The following EPHB1 variants were observed in gnomAD, a reference collection of about 807,000 sequenced individuals.
The protein encoded by EPHB1 is EPH receptor B1.
EPHB1 carries 30 observed loss-of-function variants against 94.4 expected under a neutral mutation model. The ratio of observed to expected loss-of-function variants is 0.32; its 90% CI spans 0.24 to 0.43. EPHB1 has a LOEUF of 0.43. EPHB1 is among the 20% of genes least tolerant of loss of function. EPHB1 has a pLI of 1.00. For missense variants in EPHB1, 1,055 were observed against 1,308.3 expected, an observed-to-expected ratio of 0.81 and a Z score of 2.99; for synonymous variants, 522 against 489.1, an observed-to-expected ratio of 1.07 and a Z score of -0.89.
In EPHB1 at chr3:135,101,847, G is replaced by T. The variant is rs554670147; in HGVS notation, c.806-4601G>T. ...CATCTTATAAGGAGACTCTGCAAAA[G>T]GTGTACATCCATCCACCTGGTCCCC... On this transcript the variant is annotated intron_variant, in intron 3 of 15. Transcript: ENST00000398015. Among the ~76,000 whole-genome samples the T allele has an allele frequency of 2.2e-3, 331 of 152,236 alleles. 1 individual carries two copies. The highest frequency in any genetic ancestry group is 7.8e-3 in the African/African-American group (322 of 41,532).
chr3:134,822,038 A>G (rs536002179), intron 1 of EPHB1, among the ~76,000 whole-genome samples: 59 of 152,332 alleles, frequency 3.9e-4, no homozygotes, highest in South Asian at 3.3e-3. Context: ...GGAGCTCCCC[A>G]TAAGTCCTTG....
intron 3 of EPHB1, among the ~76,000 whole-genome samples, chr3:135,003,366 G>C (rs1265386031): frequency 6.6e-6 from 1 of 151,832 alleles, no homozygotes. Flanking sequence ...GCTGAGGAGA[G>C]CTTTACTTCC....
At chr3:134,891,704 TC>T (rs1246865784) in intron 1 of EPHB1, among the ~76,000 whole-genome samples, 2 of 152,238 alleles carry the variant, frequency 1.3e-5, no homozygotes, top group Admixed American at 1.3e-4. Context: ...TGTTAGATTC[TC>T]CACCAATAAC....
chr3:135,133,018 C>T lies in EPHB1; in HGVS notation c.1266C>T (p.His422=), dbSNP rs200362943. ...GCAAGAGTCCCTTCCCCCCACAGCA[C>T]GTCTCTGTCAACATCACCACAAACC... ...VSSKSPFPPQ[H]VSVNITTNQA... The change falls in exon 5 of 16, where the codon CAC becomes CAT. Residue 422 remains histidine (H), a synonymous_variant. Coordinates refer to ENST00000398015, the MANE Select transcript of EPHB1 (RefSeq NM_004441.5). The T allele has an allele frequency of 4.5e-5, 72 of 1,601,612 alleles. No homozygotes were observed. The highest frequency in any genetic ancestry group is 5.3e-5 in the African/African-American group (4 of 74,888).
chr3:135,035,718 A>G (rs555263598), intron 3 of EPHB1, among the ~76,000 whole-genome samples: 1 of 152,326 alleles, frequency 6.6e-6, no homozygotes, highest in Admixed American at 6.5e-5. Context: ...GCCTTGAGGT[A>G]CTACTCCAGC....
At chr3:134,986,245 A>G (rs906148731) in intron 3 of EPHB1, among the ~76,000 whole-genome samples, 1 of 152,116 alleles carries the variant, frequency 6.6e-6, no homozygotes, top group African/African-American at 2.4e-5. Context: ...CATGAAACCA[A>G]ATTTTTCACT....
At chr3:135,127,111 A>G (rs1190954654) in intron 4 of EPHB1, among the ~76,000 whole-genome samples, 4 of 152,262 alleles carry the variant, frequency 2.6e-5, no homozygotes, top group Non-Finnish European at 5.9e-5. Flanking sequence ...ACTGAGACTT[A>G]GAAGTTCACT....
At chr3:134,882,758 C>CCTTCT (rs1560280402) in intron 1 of EPHB1, among the ~76,000 whole-genome samples, 1 of 107,258 alleles carries the variant, frequency 9.3e-6, no homozygotes, top group African/African-American at 4.1e-5. Context: ...TCCTTTCTTC[C>CCTTCT]TTCCTTCCTT....
rs552011362 is a variant in EPHB1 at position 134,797,179 on chromosome 3, A to C, written c.58+1490A>C. Reference sequence around the variant, plus strand: ...CTGCCCTCAGTCTCCTGCTTCCCTCAGGGACTGCTGGGCTTTGTAGGGAGG... The same window carrying C: ...CTGCCCTCAGTCTCCTGCTTCCCTCCGGGACTGCTGGGCTTTGTAGGGAGG... On this transcript the variant is annotated intron_variant, in intron 1 of 15. Coordinates refer to ENST00000398015, the MANE Select transcript of EPHB1 (RefSeq NM_004441.5). Among the ~76,000 whole-genome samples the C allele has an allele frequency of 1.7e-3, 263 of 152,140 alleles. 1 individual carries two copies. Among genetic ancestry groups the C allele is most frequent in the Non-Finnish European group, 3.0e-3 (206 of 67,988 alleles).
intron 1 of EPHB1, among the ~76,000 whole-genome samples, chr3:134,822,438 T>C (rs1177490210): frequency 6.6e-6 from 1 of 152,180 alleles, no homozygotes. Context: ...TGCCGGGTGA[T>C]GGGGGCACTA....
Position 134,860,299 on chromosome 3 carries a change from G to A in EPHB1, c.58+64610G>A, listed in dbSNP as rs115117258. Among the ~76,000 whole-genome samples, 335 of 152,200 alleles carry A rather than the reference G, an allele frequency of 2.2e-3. 2 individuals are homozygous for A. Among genetic ancestry groups the A allele is most frequent in the African/African-American group, 7.4e-3 (307 of 41,508 alleles). On this transcript the variant is annotated intron_variant, in intron 1 of 15. Coordinates refer to ENST00000398015, the MANE Select transcript of EPHB1 (RefSeq NM_004441.5). ...TTAAGGACTCTTGTGTTAAAGATGC[G>A]TGGTTTTCGTGTTCTCTGGCACCTA...
At chr3:134,824,173 G>A (rs925383228) in intron 1 of EPHB1, among the ~76,000 whole-genome samples, 1 of 117,208 alleles carries the variant, frequency 8.5e-6, no homozygotes, top group South Asian at 2.9e-4. Context: ...TCTTGCACTT[G>A]ACTAAGTGGT....
intron 1 of EPHB1, among the ~76,000 whole-genome samples, chr3:134,903,324 G>C (rs1265733947): frequency 6.6e-6 from 1 of 152,068 alleles, no homozygotes. Context: ...GAAGCTTTAG[G>C]GTAGCTCCTA....
intron 1 of EPHB1, among the ~76,000 whole-genome samples, chr3:134,899,895 G>A (rs2038166275): frequency 6.6e-6 from 1 of 152,194 alleles, no homozygotes; most frequent in Non-Finnish European, 1.5e-5. Context: ...GTATAACAGA[G>A]AGTCATGACT....
intron 1 of EPHB1, among the ~76,000 whole-genome samples, chr3:134,880,669 A>C (rs1237493724): frequency 1.3e-5 from 2 of 152,228 alleles, no homozygotes; most frequent in Non-Finnish European, 2.9e-5. Context: ...TGCTCAGCCA[A>C]GATTCATGTT....
chr3:135,051,173 A>C (rs1375199524), intron 3 of EPHB1, among the ~76,000 whole-genome samples: 1 of 152,172 alleles, frequency 6.6e-6, no homozygotes, highest in Non-Finnish European at 1.5e-5. Flanking sequence ...TAATAGAATA[A>C]TTCAAATGTC....
At chr3:135,037,802 C>G (rs1402524358) in intron 3 of EPHB1, among the ~76,000 whole-genome samples, 1 of 152,164 alleles carries the variant, frequency 6.6e-6, no homozygotes, top group African/African-American at 2.4e-5. Context: ...TGAGTGGGTA[C>G]AATTAATCTA....
rs969130830 is a variant in EPHB1 at position 135,061,557 on chromosome 3, A to G, written c.806-44891A>G. Among the ~76,000 whole-genome samples the G allele has an allele frequency of 7.9e-5, 12 of 151,700 alleles. No homozygotes were observed. In the South Asian group the frequency reaches 2.5e-3, roughly 32 times the overall value. On this transcript the variant is annotated intron_variant, in intron 3 of 15. Transcript: ENST00000398015. ...AATGCTGTTAATTCATTCCTTTTTT[A>G]TGGCTGAGTAGTATTCCATCATATA...
chr3:134,801,864 T>C (rs1247493745), intron 1 of EPHB1, among the ~76,000 whole-genome samples: 1 of 152,170 alleles, frequency 6.6e-6, no homozygotes, highest in African/African-American at 2.4e-5. Context: ...AGAGCCACTT[T>C]GCTGGCTTTT....
Sources: allele counts gnomAD v4.1 joint callset (sites outside exome capture counted in the v4.1 genomes callset), GRCh38; gene constraint gnomAD v4.1.1; transcripts MANE v1.5; gene names NCBI Gene and HGNC (gene_info 2026-07-23, HGNC 2026-07-21).